The following PTPRT variants were observed in gnomAD, a reference collection of about 807,000 sequenced individuals.
PTPRT encodes protein tyrosine phosphatase receptor type T.
Under a neutral mutation model 176.8 loss-of-function variants are expected in PTPRT, and 56 were observed. That is an observed-to-expected ratio of 0.32 (90% CI 0.26 to 0.40). The LOEUF (loss-of-function observed/expected upper bound fraction) is 0.40, where lower values mean the gene tolerates loss of function less well. PTPRT is among the 10% of genes least tolerant of loss of function. The pLI, the probability that PTPRT is intolerant of heterozygous loss-of-function variation, is 1.00. For missense variants in PTPRT, 1,540 were observed against 1,908.2 expected, an observed-to-expected ratio of 0.81 and a Z score of 3.60; for synonymous variants, 783 against 739.0, an observed-to-expected ratio of 1.06 and a Z score of -0.96.
intron 7 of PTPRT, among the ~76,000 whole-genome samples, 196 bp from the exon 8 acceptor site, chr20:42,472,758 A>T (rs2071221355): frequency 6.6e-6 from 1 of 152,246 alleles, no homozygotes; most frequent in Non-Finnish European, 1.5e-5. Flanking sequence ...GTCTTATTTA[A>T]ATACATGCAT....
chr20:42,865,757 C>A (rs1047457677), intron 2 of PTPRT, among the ~76,000 whole-genome samples: 2 of 152,282 alleles, frequency 1.3e-5, no homozygotes, highest in East Asian at 3.9e-4. Context: ...ACAGCTCCAA[C>A]AAAGAGGTGT....
At chr20:42,936,562 C>A (rs1438888021) in intron 1 of PTPRT, among the ~76,000 whole-genome samples, 3 of 152,170 alleles carry the variant, frequency 2.0e-5, no homozygotes, top group Non-Finnish European at 4.4e-5. Context: ...TATAGCTTAA[C>A]AAGTCTCCTC....
chr20:42,197,745 G>A (rs1478320456), intron 16 of PTPRT, among the ~76,000 whole-genome samples: 2 of 151,978 alleles, frequency 1.3e-5, no homozygotes, highest in Non-Finnish European at 2.9e-5. Flanking sequence ...ATGGATAAGG[G>A]GAGAAAGAGA....
intron 1 of PTPRT, among the ~76,000 whole-genome samples, chr20:43,005,123 C>G (rs1204081455): frequency 1.3e-5 from 2 of 151,994 alleles, no homozygotes; most frequent in African/African-American, 2.4e-5. Context: ...CTTTGCATCT[C>G]ACCAGCACCC....
At chr20:42,780,377 C>T (rs2077197889) in intron 3 of PTPRT, 78 bp from the exon 4 acceptor site, 2 of 1,127,004 alleles carry the variant, frequency 1.8e-6, no homozygotes, top group Admixed American at 1.8e-5. Flanking sequence ...CGGCCCCCAG[C>T]CCTTTATGTT....
At chr20:42,046,632 C>T in the PTPRT span, among the ~76,000 whole-genome samples, 3 of 152,204 alleles carry the variant, frequency 2.0e-5, no homozygotes, top group Non-Finnish European at 4.4e-5. Context: ...CATCAAGGGC[C>T]TGTTCTTCCC....
intron 1 of PTPRT, among the ~76,000 whole-genome samples, chr20:42,955,611 C>A (rs1230368053): frequency 6.6e-6 from 1 of 152,108 alleles, no homozygotes; most frequent in Non-Finnish European, 1.5e-5. Flanking sequence ...GTTCCTTAAG[C>A]TTTACAATTT....
intron 9 of PTPRT, among the ~76,000 whole-genome samples, chr20:42,418,297 T>C (rs1043490157): frequency 1.3e-5 from 2 of 152,172 alleles, no homozygotes; most frequent in African/African-American, 4.8e-5. Flanking sequence ...ATGCAGCTAA[T>C]AGAAAATTTT....
intron 1 of PTPRT, among the ~76,000 whole-genome samples, chr20:43,136,649 G>A (rs1438066187): frequency 6.6e-6 from 1 of 151,968 alleles, no homozygotes; most frequent in East Asian, 1.9e-4. Context: ...CACACACAGA[G>A]CACTCTGCAA....
chr20:43,112,467 C>T (rs1040020893), intron 1 of PTPRT, among the ~76,000 whole-genome samples: 9 of 151,288 alleles, frequency 5.9e-5, no homozygotes, highest in African/African-American at 1.2e-4. Context: ...TTGCATGTTA[C>T]GTAATATAAA....
At chr20:42,110,518 G>C (rs2146292974) in intron 22 of PTPRT, 31 bp from the exon 23 acceptor site, 2 of 1,561,808 alleles carry the variant, frequency 1.3e-6, no homozygotes, top group Non-Finnish European at 1.7e-6. Context: ...TGTTCTTCCA[G>C]CTGCTGCCCT....
chr20:42,862,663 C>T (rs2078682410), intron 2 of PTPRT, among the ~76,000 whole-genome samples: 1 of 152,204 alleles, frequency 6.6e-6, no homozygotes, highest in Non-Finnish European at 1.5e-5. Context: ...TGGAAAAGCA[C>T]CTCGAATGTG....
intron 13 of PTPRT, among the ~76,000 whole-genome samples, chr20:42,278,801 T>C (rs1312376674): frequency 6.6e-6 from 1 of 152,036 alleles, no homozygotes; most frequent in Non-Finnish European, 1.5e-5. Flanking sequence ...GGAAGGGTCA[T>C]TTTCTCTCTA....
chr20:42,871,974 C>A (rs1022379262), intron 2 of PTPRT, among the ~76,000 whole-genome samples: 2 of 152,202 alleles, frequency 1.3e-5, no homozygotes, highest in African/African-American at 4.8e-5. Flanking sequence ...TAGACACTCT[C>A]AGAGTTCTTA....
intron 7 of PTPRT, among the ~76,000 whole-genome samples, chr20:42,627,633 A>T (rs2145877650): frequency 6.6e-6 from 1 of 152,212 alleles, no homozygotes; most frequent in Admixed American, 6.5e-5. Flanking sequence ...TTTTACCTGT[A>T]TTTGAGCTCA....
At chr20:42,287,253 A>G (rs542550082) in intron 12 of PTPRT, among the ~76,000 whole-genome samples, 2 of 152,048 alleles carry the variant, frequency 1.3e-5, no homozygotes, top group East Asian at 3.9e-4. Flanking sequence ...CCAAAGGAAG[A>G]TAAATCAATA....
intron 1 of PTPRT, among the ~76,000 whole-genome samples, chr20:42,923,523 G>A (rs116723061): frequency 0.012 from 1,898 of 152,294 alleles, 40 homozygotes; most frequent in African/African-American, 0.042. Flanking sequence ...AAGCCCACGC[G>A]CCACTGTCTA....
intron 1 of PTPRT, among the ~76,000 whole-genome samples, chr20:43,091,792 G>A (rs933599971): frequency 1.7e-4 from 26 of 152,142 alleles, no homozygotes; most frequent in Admixed American, 2.6e-4. Flanking sequence ...GAGGAAGGTA[G>A]GAGAGCACTT....
At chr20:42,538,419 C>T (rs1192412194) in intron 7 of PTPRT, among the ~76,000 whole-genome samples, 1 of 152,126 alleles carries the variant, frequency 6.6e-6, no homozygotes, top group African/African-American at 2.4e-5. Context: ...AATCTCATGT[C>T]CCCTGTTGGA....
Sources: gnomAD v4.1 joint callset for allele counts (sites outside exome capture counted in the v4.1 genomes callset) on GRCh38, gnomAD v4.1.1 for gene constraint, MANE v1.5 for transcripts, NCBI Gene and HGNC (gene_info 2026-07-23, HGNC 2026-07-21) for gene names.